Variants in SMYD3 observed in about 807,000 individuals in gnomAD.
SMYD3 encodes the protein SET and MYND domain containing 3, also known as histone-lysine N-methyltransferase SMYD3.
Under a neutral mutation model 57.7 loss-of-function variants are expected in SMYD3, and 36 were observed. That is an observed-to-expected ratio of 0.62 (90% confidence interval 0.48 to 0.82). The LOEUF (loss-of-function observed/expected upper bound fraction) is 0.82. Ranked by LOEUF, SMYD3 falls within the 40% of genes least tolerant of loss-of-function variation. The probability of loss-of-function intolerance (pLI) is 0.00; values close to 1 mark genes in which losing one functional copy is unlikely to be tolerated. For synonymous variants in SMYD3, 211 were observed against 195.0 expected, an observed-to-expected ratio of 1.08 and a Z score of -0.68; for missense variants, 515 against 538.8, an observed-to-expected ratio of 0.96 and a Z score of 0.44.
chr1:246,239,057 T>C (rs1479356366), intron 5 of SMYD3, among the ~76,000 whole-genome samples: 1 of 152,182 alleles, frequency 6.6e-6, no homozygotes, highest in Non-Finnish European at 1.5e-5. Context: ...AGCTGCAATA[T>C]TCCAGCAGGA....
At chr1:245,825,789 A>G (rs1032148907) in intron 10 of SMYD3, among the ~76,000 whole-genome samples, 2 of 151,804 alleles carry the variant, frequency 1.3e-5, no homozygotes, top group Non-Finnish European at 2.9e-5. Flanking sequence ...TCTGTGAGAC[A>G]GATACTAATT....
intron 1 of SMYD3, among the ~76,000 whole-genome samples, chr1:246,444,921 C>G (rs988753197): frequency 6.6e-6 from 1 of 152,192 alleles, no homozygotes; most frequent in African/African-American, 2.4e-5. Flanking sequence ...AGCTTGGATT[C>G]TGGAATCAGA....
At chr1:246,472,992 G>C (rs1303096769) in intron 1 of SMYD3, among the ~76,000 whole-genome samples, 1 of 151,714 alleles carries the variant, frequency 6.6e-6, no homozygotes, top group African/African-American at 2.4e-5. Flanking sequence ...AAGTAGCTGG[G>C]ATTACAGGCA....
intron 5 of SMYD3, among the ~76,000 whole-genome samples, chr1:245,977,337 C>T (rs186538994): frequency 1.4e-4 from 21 of 152,322 alleles, no homozygotes; most frequent in African/African-American, 4.6e-4. Context: ...TCCCTCATGG[C>T]ATGGCTTTAA....
chr1:246,303,009 G>C (rs547726594), intron 5 of SMYD3, among the ~76,000 whole-genome samples: 1 of 152,260 alleles, frequency 6.6e-6, no homozygotes, highest in Admixed American at 6.5e-5. Flanking sequence ...AAAGAAGAGA[G>C]AATTGCGGAT....
At chr1:246,193,493 G>A (rs577975015) in intron 5 of SMYD3, among the ~76,000 whole-genome samples, 2 of 152,144 alleles carry the variant, frequency 1.3e-5, no homozygotes, top group African/African-American at 4.8e-5. Context: ...CGACAAAAGA[G>A]GCAGCCCCAG....
At chr1:245,992,935 T>C (rs1481603733) in intron 5 of SMYD3, among the ~76,000 whole-genome samples, 19 of 134,200 alleles carry the variant, frequency 1.4e-4, no homozygotes, top group African/African-American at 5.2e-4. Context: ...GGGCCTGGAG[T>C]GGTCATGGAT....
intron 2 of SMYD3, among the ~76,000 whole-genome samples, chr1:246,338,062 C>T (rs1207468043): frequency 1.3e-5 from 2 of 152,140 alleles, no homozygotes; most frequent in Non-Finnish European, 2.9e-5. Context: ...TTCTCATTTG[C>T]TTCAGCAAAA....
chr1:246,150,312 C>T (rs191261595), intron 5 of SMYD3, among the ~76,000 whole-genome samples: 1 of 152,162 alleles, frequency 6.6e-6, no homozygotes, highest in Non-Finnish European at 1.5e-5. Flanking sequence ...TAAGTTGACA[C>T]CATTCTGCCA....
intron 5 of SMYD3, chr1:246,035,604 A>G (rs1234337063): frequency 1.3e-5 from 2 of 152,230 alleles, no homozygotes; most frequent in East Asian, 3.9e-4. Context: ...GGATGCCTGT[A>G]TGCTACACAT....
chr1:246,145,376 ATTAAAT>A (rs1254154606), intron 5 of SMYD3, among the ~76,000 whole-genome samples: 3 of 152,240 alleles, frequency 2.0e-5, no homozygotes, highest in Non-Finnish European at 2.9e-5. Flanking sequence ...ATTATTACAT[ATTAAAT>A]TTGACTAATA....
At chr1:246,375,468 T>C (rs892696109) in intron 1 of SMYD3, among the ~76,000 whole-genome samples, 1 of 152,020 alleles carries the variant, frequency 6.6e-6, no homozygotes, top group Non-Finnish European at 1.5e-5. Context: ...AGTTAACTAT[T>C]TGTTTAAGCC....
At chr1:246,470,427 C>T (rs11810765) in intron 1 of SMYD3, among the ~76,000 whole-genome samples, 85,708 of 150,838 alleles carry the variant, frequency 0.57, 25,411 homozygotes, top group African/African-American at 0.73. Flanking sequence ...ACGTGGAAGG[C>T]GGAGGTTGCA....
At chr1:245,849,695 C>T (rs978199291) in intron 10 of SMYD3, among the ~76,000 whole-genome samples, 3 of 151,876 alleles carry the variant, frequency 2.0e-5, no homozygotes, top group Non-Finnish European at 4.4e-5. Flanking sequence ...CTCAGTCACC[C>T]AGGTTAGAGT....
chr1:246,162,773 TA>T lies in SMYD3; in HGVS notation c.531+164427del, dbSNP rs111967920. ...TGGTCAGGATTTCAACCGTACCATA[TA>T]ACCTGCATAATGAACAACTCAGACT... On this transcript the variant is annotated intron_variant, in intron 5 of 11. Coordinates refer to ENST00000490107, the MANE Select transcript of SMYD3 (RefSeq NM_001167740.2). Among the ~76,000 whole-genome samples the T allele has an allele frequency of 1.6e-3, 244 of 152,338 alleles. 1 individual carries two copies. Among genetic ancestry groups the T allele is most frequent in the African/African-American group, 5.4e-3 (226 of 41,582 alleles).
chr1:246,007,449 T>C (rs2059195113), intron 5 of SMYD3, among the ~76,000 whole-genome samples: 1 of 152,010 alleles, frequency 6.6e-6, no homozygotes, highest in Non-Finnish European at 1.5e-5. Flanking sequence ...ACCTGGCACT[T>C]TGGGTTTCAT....
At chr1:246,002,279 G>A (rs948364305) in intron 5 of SMYD3, among the ~76,000 whole-genome samples, 4 of 128,734 alleles carry the variant, frequency 3.1e-5, no homozygotes, top group African/African-American at 8.2e-5. Flanking sequence ...CCGCCTCCCG[G>A]GTTCACGCCA....
At chr1:246,028,973 T>C (rs746857502) in intron 5 of SMYD3, among the ~76,000 whole-genome samples, 1 of 152,086 alleles carries the variant, frequency 6.6e-6, no homozygotes, top group Admixed American at 6.5e-5. Flanking sequence ...GAAAACAGAC[T>C]GAGGAAAAGA....
chr1:246,152,558 C>G (rs1466136740), intron 5 of SMYD3, among the ~76,000 whole-genome samples: 5 of 152,234 alleles, frequency 3.3e-5, no homozygotes, highest in Non-Finnish European at 7.3e-5. Context: ...GTTTTACGCA[C>G]TGAGTGAAGA....
Sources: gnomAD v4.1 joint callset for allele counts (sites outside exome capture counted in the v4.1 genomes callset) on GRCh38, gnomAD v4.1.1 for gene constraint, MANE v1.5 for transcripts, NCBI Gene and HGNC (gene_info 2026-07-23, HGNC 2026-07-21) for gene names.